The following TRAT1 variants were observed in gnomAD, a reference collection of about 807,000 sequenced individuals.
The protein encoded by TRAT1 is T cell receptor associated transmembrane adaptor 1, also known as T-cell receptor-associated transmembrane adapter 1.
Under a neutral mutation model 20.0 loss-of-function variants are expected in TRAT1, and 20 were observed. That is an observed-to-expected ratio of 1.00 (90% CI 0.70 to 1.45). TRAT1 has a LOEUF of 1.45. Among genes scored for constraint, TRAT1 ranks in the 40% most tolerant of loss-of-function variants. The pLI is 0.00. For missense variants in TRAT1, 237 were observed against 224.1 expected (o/e 1.06, Z -0.37); for synonymous variants, 77 against 74.2 (o/e 1.04, Z -0.20).
chr3:108,843,188 A>G (rs1484009539), intron 3 of TRAT1, among the ~76,000 whole-genome samples: 1 of 152,178 alleles, frequency 6.6e-6, no homozygotes, highest in Non-Finnish European at 1.5e-5. Flanking sequence ...CCACCAATAT[A>G]TAAACAGACT....
intron 2 of TRAT1, among the ~76,000 whole-genome samples, chr3:108,834,892 A>G (rs955682664): frequency 1.3e-5 from 2 of 152,194 alleles, no homozygotes; most frequent in African/African-American, 4.8e-5. Context: ...CATTCTCCCT[A>G]AAATAAATCC....
chr3:108,829,538 C>T (rs949310774), intron 1 of TRAT1, among the ~76,000 whole-genome samples: 3 of 150,582 alleles, frequency 2.0e-5, no homozygotes, highest in East Asian at 2.0e-4. Flanking sequence ...GAGCCGAGAT[C>T]GTGCCACTGC....
intron 1 of TRAT1, among the ~76,000 whole-genome samples, chr3:108,826,453 G>A (rs1275420575): frequency 6.6e-6 from 1 of 152,076 alleles, no homozygotes; most frequent in African/African-American, 2.4e-5. Flanking sequence ...GAACTGATTT[G>A]CGAGCCCCCT....
intron 4 of TRAT1, chr3:108,847,425 T>C (rs1304622665): frequency 3.8e-6 from 1 of 266,050 alleles, no homozygotes; most frequent in Non-Finnish European, 7.0e-6. Context: ...CACCGAATTC[T>C]ATGAAATAAA....
At chr3:108,844,297 A>C (rs1231050115) in intron 3 of TRAT1, among the ~76,000 whole-genome samples, 2 of 151,948 alleles carry the variant, frequency 1.3e-5, no homozygotes, top group Non-Finnish European at 2.9e-5. Flanking sequence ...TTTAAGTCCA[A>C]GGTGATCAGG....
chr3:108,832,207 G>A (rs1481057478), intron 2 of TRAT1, among the ~76,000 whole-genome samples: 1 of 152,198 alleles, frequency 6.6e-6, no homozygotes, highest in Non-Finnish European at 1.5e-5. Flanking sequence ...TAAGTGTCCA[G>A]TTTTTCTAAT....
chr3:108,843,673 C>G (rs962449894), intron 3 of TRAT1, among the ~76,000 whole-genome samples: 2 of 152,026 alleles, frequency 1.3e-5, no homozygotes, highest in African/African-American at 4.8e-5. Context: ...GCTGGCTTTT[C>G]TTCCTCTTTT....
chr3:108,831,450 A>C (rs1945792055), intron 2 of TRAT1, among the ~76,000 whole-genome samples: 1 of 152,196 alleles, frequency 6.6e-6, no homozygotes, highest in South Asian at 2.1e-4. Flanking sequence ...TTCATGTTGA[A>C]TATGCATGGA....
chr3:108,851,568 T>G (rs1945998623), intron 5 of TRAT1, among the ~76,000 whole-genome samples: 1 of 152,050 alleles, frequency 6.6e-6, no homozygotes, highest in Non-Finnish European at 1.5e-5. Context: ...TTCTCAAGTT[T>G]CCATTTTTTT....
chr3:108,852,968 A>T (rs1320734647), intron 5 of TRAT1, among the ~76,000 whole-genome samples: 1 of 152,242 alleles, frequency 6.6e-6, no homozygotes, highest in Non-Finnish European at 1.5e-5. Flanking sequence ...AGTCCGGAGA[A>T]GCCCACTGGG....
intron 3 of TRAT1, among the ~76,000 whole-genome samples, chr3:108,844,361 A>T (rs1233347528): frequency 6.7e-6 from 1 of 149,748 alleles, no homozygotes; most frequent in Non-Finnish European, 1.5e-5. Context: ...TCTGACTCCC[A>T]GGTTGGAGTG....
At position 108,847,084 on chromosome 3, in the gene TRAT1, A is replaced by G. The variant is rs1429642991; in HGVS notation, c.169A>G (p.Ile57Val). The G allele has an allele frequency of 1.3e-6, 2 of 1,540,758 alleles. No homozygotes were observed. Among genetic ancestry groups the G allele is most frequent in the Non-Finnish European group, 8.9e-7 (1 of 1,121,982 alleles). Residue 57 changes from isoleucine (I) to valine (V), a missense_variant, in exon 4 of 6, where the codon ATT becomes GTT. Ile to Val is a conservative substitution (Grantham distance 29, BLOSUM62 3). Transcript: ENST00000295756. Reference sequence around the variant, plus strand: ...TTGTTATAGGGTTGATGAGTATTATATTGAAGACACACCAATTTATGGTAA... The same window carrying G: ...TTGTTATAGGGTTGATGAGTATTATGTTGAAGACACACCAATTTATGGTAA... ...SDHTRVDEYY[I>V]EDTPIYGNLD... is the part of the protein sequence containing the mutation.
rs140785171 is a variant in TRAT1, at chr3:108,853,754, C to A, written c.438C>A (p.Ser146Arg). 1.2e-6 allele frequency: 2 copies of A among 1,614,122 alleles called. No individual in the cohort carries two copies. Among genetic ancestry groups the A allele is most frequent in the Non-Finnish European group, 1.7e-6 (2 of 1,180,006 alleles). ...AGCAACTACATGCAATAGATGCCAG[C>A]GTTTCTAAGACCACCTTAGTAGACA... ...GDEQLHAIDA[S>R]VSKTTLVDSF... Residue 146 changes from serine to arginine, a missense_variant, in exon 6 of 6, where the codon AGC becomes AGA. By Grantham distance (110) the Ser-to-Arg change is moderately radical. Transcript: ENST00000295756.
intron 3 of TRAT1, 67 bp from the exon 4 acceptor site, chr3:108,847,001 G>A (rs1945952985): frequency 1.9e-6 from 2 of 1,074,176 alleles, no homozygotes; most frequent in Non-Finnish European, 2.8e-6. Context: ...GAATTTAGCT[G>A]AGAAGTCAGT....
rs1439777749 is a variant in TRAT1, at chr3:108,838,921, G to T, written c.119-13G>T. 2 of 1,595,140 alleles carry T rather than the reference G, an allele frequency of 1.3e-6. No individual in the cohort carries two copies. Among genetic ancestry groups the T allele is most frequent in the Non-Finnish European group, 1.7e-6 (2 of 1,162,852 alleles). On this transcript the variant is annotated splice_polypyrimidine_tract_variant and intron_variant, in intron 2 of 5. Coordinates refer to ENST00000295756, the MANE Select transcript of TRAT1 (RefSeq NM_016388.4). ...ACATTTCTTTTAACTTGTCTATTTTGAATATCTTTCAGATAAAATGTACAG... is the reference window on the plus strand; with the variant it reads ...ACATTTCTTTTAACTTGTCTATTTTTAATATCTTTCAGATAAAATGTACAG...
intron 3 of TRAT1, among the ~76,000 whole-genome samples, chr3:108,839,586 C>T (rs969296812): frequency 6.0e-5 from 9 of 150,222 alleles, no homozygotes; most frequent in African/African-American, 2.2e-4. Flanking sequence ...GCGGAGGTTG[C>T]AGTGAGCCAA....
chr3:108,853,972 G>A lies in TRAT1; in HGVS notation c.*95G>A. 2 of 1,196,314 alleles carry A rather than the reference G, an allele frequency of 1.7e-6. No individual in the cohort carries two copies. Among genetic ancestry groups the A allele is most frequent in the Non-Finnish European group, 2.4e-6 (2 of 831,968 alleles). 74.1% of individuals were successfully genotyped at this position (1,196,314 alleles called of 1,614,324 possible). A position where few individuals can be genotyped will look rare whatever the true frequency, so the allele number is the denominator to read the frequency against. ...AGGACACAGAAGGACTTGGCAGCAG[G>A]GTGATGACCTGATCATTTGTTGATG... is the stretch of plus-strand genomic sequence containing the variant. On this transcript the variant is annotated 3_prime_UTR_variant, in exon 6 of 6. Coordinates refer to ENST00000295756, the MANE Select transcript of TRAT1 (RefSeq NM_016388.4).
intron 1 of TRAT1, 115 bp from the exon 2 acceptor site, chr3:108,830,555 G>T: frequency 1.5e-6 from 1 of 686,990 alleles, no homozygotes; most frequent in African/African-American, 1.8e-5. Context: ...TTTCCCGGTA[G>T]AGACTGTGTA....
At chr3:108,831,851 G>A (rs774757991) in intron 2 of TRAT1, among the ~76,000 whole-genome samples, 29 of 152,032 alleles carry the variant, frequency 1.9e-4, no homozygotes, top group Non-Finnish European at 3.7e-4. Flanking sequence ...CCTGGAAGGT[G>A]TTTAAATACC....
Sources: gnomAD v4.1 joint callset for allele counts (sites outside exome capture counted in the v4.1 genomes callset) on GRCh38, gnomAD v4.1.1 for gene constraint, MANE v1.5 for transcripts, NCBI Gene and HGNC (gene_info 2026-07-23, HGNC 2026-07-21) for gene names.